The following PCDH9 variants were observed in gnomAD, a reference collection of about 807,000 sequenced individuals.
The protein encoded by PCDH9 is protocadherin-9.
A neutral mutation model predicts 70.6 loss-of-function variants in PCDH9; 24 were observed. The observed-to-expected ratio is 0.34, with a 90% CI of 0.25 to 0.48. The LOEUF is 0.48. Ranked by LOEUF, PCDH9 falls within the 20% of genes least tolerant of loss-of-function variation. The pLI is 0.99. For missense variants in PCDH9, 1,281 were observed against 1,503.6 expected, an observed-to-expected ratio of 0.85 and a Z score of 2.45; for synonymous variants, 562 against 558.5, an observed-to-expected ratio of 1.01 and a Z score of -0.09.
intron 4 of PCDH9, among the ~76,000 whole-genome samples, chr13:66,368,204 T>TGA (rs1956584764): frequency 6.6e-6 from 1 of 152,090 alleles, no homozygotes; most frequent in African/African-American, 2.4e-5. Context: ...ATTTTCTAAA[T>TGA]GTCTTTAACA....
chr13:67,029,380 C>T (rs7993453), intron 2 of PCDH9, among the ~76,000 whole-genome samples: 145,904 of 152,250 alleles, frequency 0.96, 70,236 homozygotes, highest in East Asian at 1. Flanking sequence ...AATTTTCTAG[C>T]TCTGTAAAAT....
intron 3 of PCDH9, among the ~76,000 whole-genome samples, chr13:66,632,802 G>A (rs1470637994): frequency 2.0e-5 from 3 of 151,872 alleles, no homozygotes; most frequent in African/African-American, 7.3e-5. Flanking sequence ...AAGACCTTTC[G>A]ATACCATGCT....
chr13:66,608,878 T>G (rs2077255090), intron 4 of PCDH9, among the ~76,000 whole-genome samples: 1 of 152,222 alleles, frequency 6.6e-6, no homozygotes, highest in Non-Finnish European at 1.5e-5. Flanking sequence ...TATTTGTTAG[T>G]GCAGAAAACA....
chr13:67,145,215 C>T (rs901920953), intron 2 of PCDH9, among the ~76,000 whole-genome samples: 6 of 152,034 alleles, frequency 3.9e-5, no homozygotes, highest in Admixed American at 6.6e-5. Context: ...GAGTCCGAAG[C>T]TGTCTTTGTA....
At chr13:66,781,144 C>T (rs998960625) in intron 3 of PCDH9, among the ~76,000 whole-genome samples, 1 of 152,100 alleles carries the variant, frequency 6.6e-6, no homozygotes, top group Non-Finnish European at 1.5e-5. Flanking sequence ...AGATCTCCTA[C>T]TTCTAATTGG....
At chr13:67,209,785 A>G (rs1260234414) in intron 2 of PCDH9, 1 of 151,962 alleles carries the variant, frequency 6.6e-6, no homozygotes, top group Non-Finnish European at 1.5e-5. Flanking sequence ...TTTTAACATT[A>G]ATGTGGTATT....
chr13:66,691,348 T>A (rs766184010), intron 3 of PCDH9, among the ~76,000 whole-genome samples: 1 of 152,142 alleles, frequency 6.6e-6, no homozygotes, highest in Non-Finnish European at 1.5e-5. Context: ...AACATAAACA[T>A]AAATCATTTT....
intron 3 of PCDH9, among the ~76,000 whole-genome samples, chr13:66,848,582 C>T (rs2081253007): frequency 1.3e-5 from 2 of 152,174 alleles, no homozygotes; most frequent in African/African-American, 4.8e-5. Context: ...CATCAGTATG[C>T]AGTTTAGATA....
At chr13:66,698,006 A>G (rs182003371) in intron 3 of PCDH9, among the ~76,000 whole-genome samples, 428 of 152,326 alleles carry the variant, frequency 2.8e-3, no homozygotes, top group African/African-American at 9.3e-3. Context: ...TATTATGCTA[A>G]GTGAAAAAAG....
intron 3 of PCDH9, among the ~76,000 whole-genome samples, chr13:66,657,125 T>C (rs2077941972): frequency 6.6e-6 from 1 of 152,196 alleles, no homozygotes; most frequent in Non-Finnish European, 1.5e-5. Flanking sequence ...GGGTCCAGAA[T>C]AAGTTATACA....
At chr13:66,429,145 A>G (rs1184037734) in intron 4 of PCDH9, among the ~76,000 whole-genome samples, 1 of 151,914 alleles carries the variant, frequency 6.6e-6, no homozygotes, top group East Asian at 1.9e-4. Context: ...TCATACAGTA[A>G]AATTCACTCT....
chr13:66,619,183 A>G (rs1415816291), intron 4 of PCDH9, among the ~76,000 whole-genome samples: 1 of 152,172 alleles, frequency 6.6e-6, no homozygotes, highest in Non-Finnish European at 1.5e-5. Context: ...CCCTTTTAAA[A>G]TAAAATGGTA....
chr13:66,792,035 A>T (rs1299014686), intron 3 of PCDH9, among the ~76,000 whole-genome samples: 2 of 152,202 alleles, frequency 1.3e-5, no homozygotes, highest in African/African-American at 4.8e-5. Context: ...ACTTTGCTCC[A>T]TCAAAGTGCT....
chr13:66,576,685 G>A (rs1483252906), intron 4 of PCDH9, among the ~76,000 whole-genome samples: 2 of 152,016 alleles, frequency 1.3e-5, no homozygotes, highest in Non-Finnish European at 2.9e-5. Context: ...TTCTCATGGG[G>A]AAAACCTAAA....
At chr13:67,123,417 A>G (rs1435588394) in intron 2 of PCDH9, among the ~76,000 whole-genome samples, 1 of 152,226 alleles carries the variant, frequency 6.6e-6, no homozygotes, top group Non-Finnish European at 1.5e-5. Context: ...AGGCAAAGAA[A>G]GATACTTCCT....
At chr13:67,011,573 ATG>A (rs2139841536) in intron 2 of PCDH9, among the ~76,000 whole-genome samples, 1 of 151,956 alleles carries the variant, frequency 6.6e-6, no homozygotes, top group Non-Finnish European at 1.5e-5. Context: ...CATCACAGTA[ATG>A]CAAGAGACTG....
At chr13:66,492,147 T>G (rs1959044116) in intron 4 of PCDH9, among the ~76,000 whole-genome samples, 1 of 152,208 alleles carries the variant, frequency 6.6e-6, no homozygotes, top group Non-Finnish European at 1.5e-5. Context: ...GTTTGTCTTC[T>G]GTTGTGATAC....
At chr13:66,938,321 GAATA>G (rs2082951162) in intron 2 of PCDH9, among the ~76,000 whole-genome samples, 1 of 152,106 alleles carries the variant, frequency 6.6e-6, no homozygotes, top group Admixed American at 6.5e-5. Flanking sequence ...TGATATACCA[GAATA>G]AATAAAGCAT....
At chr13:66,808,903 G>A (rs1024838360) in intron 3 of PCDH9, among the ~76,000 whole-genome samples, 1 of 152,118 alleles carries the variant, frequency 6.6e-6, no homozygotes, top group African/African-American at 2.4e-5. Context: ...ATTATATTTT[G>A]AGAAGCCCCA....
Sources: gnomAD v4.1 joint callset for allele counts (sites outside exome capture counted in the v4.1 genomes callset) on GRCh38, gnomAD v4.1.1 for gene constraint, MANE v1.5 for transcripts, NCBI Gene and HGNC (gene_info 2026-07-23, HGNC 2026-07-21) for gene names.